B3GALT9: variants seen among roughly 807,000 people sequenced by gnomAD.
B3GALT9 encodes UDP-GlcNAc:betaGal beta-1,3-N-acetylglucosaminyltransferase 10 (putative).
chr9:120,797,874 T>C (rs1027458991), intron 2 of B3GALT9, among the ~76,000 whole-genome samples: 1 of 152,198 alleles, frequency 6.6e-6, no homozygotes, highest in Non-Finnish European at 1.5e-5. Context: ...TTTCCATCTG[T>C]GTTGATGAGG....
chr9:120,794,933 T>C (rs2044926979), intron 1 of B3GALT9, among the ~76,000 whole-genome samples: 1 of 152,212 alleles, frequency 6.6e-6, no homozygotes, highest in Non-Finnish European at 1.5e-5. Context: ...CTACCATGCT[T>C]GATAGCACAG....
chr9:120,798,473 G>A (rs1033027088), intron 2 of B3GALT9, 102 bp from the exon 3 acceptor site: 13 of 398,310 alleles, frequency 3.3e-5, no homozygotes, highest in African/African-American at 2.7e-4. Flanking sequence ...TTAAAATAGA[G>A]TGTACTGCTA....
intron 2 of B3GALT9, 149 bp downstream of exon 2, chr9:120,796,758 T>G (rs2044941453): frequency 6.6e-6 from 1 of 152,188 alleles, no homozygotes; most frequent in African/African-American, 2.4e-5. Flanking sequence ...GTTTTTTGAC[T>G]GTTTAAAGGA....
At chr9:120,794,010 A>G (rs941196108) in intron 1 of B3GALT9, 88 bp downstream of exon 1, 1 of 192,920 alleles carries the variant, frequency 5.2e-6, no homozygotes, top group Non-Finnish European at 1.0e-5. Context: ...TGGCCCGGTT[A>G]CTTAACCTCT....
At position 120,799,925 on chromosome 9, in the gene B3GALT9, A is replaced by T; in HGVS notation, c.*247A>T. 1 of 308,934 alleles carries T rather than the reference A, an allele frequency of 3.2e-6. No individual in the cohort carries two copies. The highest frequency in any genetic ancestry group is 5.2e-5 in the East Asian group (1 of 19,328). 19.1% of individuals were successfully genotyped at this position (308,934 alleles called of 1,614,324 possible). A position where few individuals can be genotyped will look rare whatever the true frequency, so the allele number is the denominator to read the frequency against. On this transcript the variant is annotated 3_prime_UTR_variant, in exon 3 of 3. Coordinates refer to ENST00000689072, the MANE Select transcript of B3GALT9 (RefSeq NM_001386823.1). ...TATTTCTCTCAAAAGAGAGAACATT[A>T]TGTTTCATTGTTTATTTAGTTTTCG...
At chr9:120,798,118 AC>A (rs1252362459) in intron 2 of B3GALT9, among the ~76,000 whole-genome samples, 12 of 152,216 alleles carry the variant, frequency 7.9e-5, no homozygotes, top group African/African-American at 2.9e-4. Context: ...ATAGCCCCTG[AC>A]TTTTGTAATT....
At chr9:120,795,855 A>G (rs192702872) in intron 1 of B3GALT9, among the ~76,000 whole-genome samples, 23 of 152,380 alleles carry the variant, frequency 1.5e-4, no homozygotes, top group East Asian at 3.9e-4. Context: ...CTACACATGC[A>G]TACTCCAGGA....
In B3GALT9 at chr9:120,798,934, T is replaced by C. The variant is rs2044954803; in HGVS notation, c.366T>C (p.Phe122=). 2.5e-6 allele frequency: 1 copy of C among 398,934 alleles called. No homozygotes were observed. Among genetic ancestry groups the C allele is most frequent in the African/African-American group, 2.1e-5 (1 of 48,618 alleles). The allele number at this position is 398,934 out of a possible 1,614,324, so 24.7% of individuals were successfully genotyped here. Residue 122 remains phenylalanine (F), a synonymous_variant, in exon 3 of 3, where the codon TTT becomes TTC. Coordinates refer to ENST00000689072, the MANE Select transcript of B3GALT9 (RefSeq NM_001386823.1). ...AAGGGCATCCCATTCTCACACTGTT[T>C]GCTCTGGGAATGCCTGTTTCGGTAA... ...SVQGHPILTL[F]ALGMPVSVTT...
rs1024415855 is a variant in B3GALT9 at position 120,798,979 on chromosome 9, CAA to C, written c.413_414del (p.Lys138ArgfsTer4). On this transcript the variant is annotated frameshift_variant, in exon 3 of 3. Transcript: ENST00000689072. LOFTEE classifies it high-confidence loss of function. Reference sequence around the variant, plus strand: ...CGGTAACTACCCAGAAAGAGATCAACAAAGAATCCTGTAAGAATAATGATATA... The same window carrying C: ...CGGTAACTACCCAGAAAGAGATCAACAGAATCCTGTAAGAATAATGATATA... ...VSVTTQKEIN[K>X]ESCKNNDIIE... The C allele has an allele frequency of 7.5e-6, 3 of 398,920 alleles. No homozygotes were observed. The highest frequency in any genetic ancestry group is 1.3e-5 in the Non-Finnish European group (3 of 226,082). The allele number at this position is 398,920 out of a possible 1,614,324, so 24.7% of individuals were successfully genotyped here.
At position 120,797,379 on chromosome 9, in the gene B3GALT9, G is replaced by A. The variant is rs749743684; in HGVS notation, c.6+770G>A. 7.2e-5 allele frequency among the ~76,000 whole-genome samples: 11 copies of A among 151,792 alleles called. No individual in the cohort carries two copies. In the South Asian group the frequency reaches 1.2e-3, roughly 17 times the overall value. Reference sequence around the variant, plus strand: ...AAATTAGCCAGGCGTGGTGGCAGACGCCTGAAATCCCAGCTACTCAGGAGG... The same window carrying A: ...AAATTAGCCAGGCGTGGTGGCAGACACCTGAAATCCCAGCTACTCAGGAGG... On this transcript the variant is annotated intron_variant, in intron 2 of 2. Transcript: ENST00000689072.
At chr9:120,794,466 G>C (rs1254274754) in intron 1 of B3GALT9, among the ~76,000 whole-genome samples, 7 of 151,792 alleles carry the variant, frequency 4.6e-5, no homozygotes, top group African/African-American at 1.7e-4. Flanking sequence ...AGCCTCCTGA[G>C]TAGAAGGGAC....
In B3GALT9 at chr9:120,799,636, C is replaced by T; in HGVS notation, c.1068C>T (p.His356=). 1 of 399,396 alleles carries T rather than the reference C, an allele frequency of 2.5e-6. No individual in the cohort carries two copies. The highest frequency in any genetic ancestry group is 4.4e-6 in the Non-Finnish European group (1 of 226,166). The allele number at this position is 399,396 out of a possible 1,614,324, so 24.7% of individuals were successfully genotyped here. The change falls in exon 3 of 3, where the codon CAC becomes CAT. Residue 356 remains histidine, a synonymous_variant. Transcript: ENST00000689072. The part of the protein sequence containing the change: ...LTYLDSFKRF[H]MGTIKNNLMY... ...ACCTTGACAGCTTTAAACGTTTTCA[C>T]ATGGGGACCATAAAAAACAATCTCA...
Position 120,793,889 on chromosome 9 carries a change from CTAA to C in B3GALT9, c.-214_-212del, listed in dbSNP as rs2044910945. 1 of 376,334 alleles carries C rather than the reference CTAA, an allele frequency of 2.7e-6. No individual in the cohort carries two copies. Among genetic ancestry groups the C allele is most frequent in the South Asian group, 1.5e-4 (1 of 6,804 alleles). 23.3% of individuals were successfully genotyped at this position (376,334 alleles called of 1,614,324 possible). On this transcript the variant is annotated 5_prime_UTR_variant, in exon 1 of 3. Transcript: ENST00000689072. ...TATTAGGAGGAGGAAGACAGATAAA[CTAA>C]GGCTCGTGCAAAGGAGAAAAATAAA...
Position 120,800,712 on chromosome 9 carries a change from A to C in B3GALT9, c.*1034A>C, listed in dbSNP as rs900047692. Among the ~76,000 whole-genome samples the C allele has an allele frequency of 3.3e-5, 5 of 152,202 alleles. No homozygotes were observed. On this transcript the variant is annotated 3_prime_UTR_variant, in exon 3 of 3. Coordinates refer to ENST00000689072, the MANE Select transcript of B3GALT9 (RefSeq NM_001386823.1). ...ATTTAACACATGCATCACCTGACAT[A>C]CTTTTTTGTAGTGAGAACACTTAAA...
chr9:120,794,423 G>A (rs1055572899), intron 1 of B3GALT9, among the ~76,000 whole-genome samples: 1 of 151,036 alleles, frequency 6.6e-6, no homozygotes, highest in Non-Finnish European at 1.5e-5. Context: ...CTGCAGCCTC[G>A]ACTTCTCCAG....
chr9:120,797,160 G>C (rs1031308802), intron 2 of B3GALT9, among the ~76,000 whole-genome samples: 14 of 149,264 alleles, frequency 9.4e-5, no homozygotes, highest in Middle Eastern at 3.4e-3. Context: ...AAGAAAGAAA[G>C]AGAAAGAAAG....
At chr9:120,794,570 G>A (rs1050796062) in intron 1 of B3GALT9, among the ~76,000 whole-genome samples, 10 of 147,834 alleles carry the variant, frequency 6.8e-5, no homozygotes, top group Admixed American at 4.8e-4. Context: ...TCAGGGTTTC[G>A]CTATGTTACC....
chr9:120,795,341 A>T (rs2044932091), intron 1 of B3GALT9, among the ~76,000 whole-genome samples: 1 of 152,184 alleles, frequency 6.6e-6, no homozygotes, highest in South Asian at 2.1e-4. Flanking sequence ...GTCCAGATGG[A>T]GCTGCCCCAG....
intron 1 of B3GALT9, among the ~76,000 whole-genome samples, chr9:120,795,133 C>T (rs1321478373): frequency 6.6e-6 from 1 of 152,196 alleles, no homozygotes; most frequent in East Asian, 1.9e-4. Context: ...TGCTAAGCAA[C>T]AGGATGTCAC....
Sources: gnomAD v4.1 joint callset for allele counts (sites outside exome capture counted in the v4.1 genomes callset) on GRCh38, gnomAD v4.1.1 for gene constraint, MANE v1.5 for transcripts, NCBI Gene and HGNC (gene_info 2026-07-23, HGNC 2026-07-21) for gene names.